MROH1: variants seen among roughly 807,000 people sequenced by gnomAD.
MROH1 encodes maestro heat-like repeat-containing protein family member 1.
Under a neutral mutation model 116.5 loss-of-function variants are expected in MROH1, and 117 were observed. The observed-to-expected ratio is 1.00, with a 90% CI of 0.86 to 1.17. MROH1 has a LOEUF of 1.17. MROH1 is among the 50% of genes most tolerant of loss of function. The probability of loss-of-function intolerance (pLI) is 0.00; values close to 1 mark genes in which losing one functional copy is unlikely to be tolerated. For missense variants in MROH1, 1,873 were observed against 1,338.5 expected (o/e 1.40, Z -6.23); for synonymous variants, 921 against 583.9 (o/e 1.58, Z -8.32).
Position 144,247,587 on chromosome 8 carries a change from G to A in MROH1, c.3028G>A (p.Asp1010Asn), listed in dbSNP as rs1842117116. 8 of 774,190 alleles carry A rather than the reference G, an allele frequency of 1.0e-5. No individual in the cohort carries two copies. Among genetic ancestry groups the A allele is most frequent in the Admixed American group, 6.8e-5 (4 of 58,872 alleles). 48.0% of individuals were successfully genotyped at this position (774,190 alleles called of 1,614,324 possible). A position where few individuals can be genotyped will look rare whatever the true frequency, so the allele number is the denominator to read the frequency against. Reference protein sequence around the residue: ...GYEGFSRDYRDDVAERLLSLK... With the variant: ...GYEGFSRDYRNDVAERLLSLK... ...CTCAGGCTTCTCCCGGGACTACCGC[G>A]ATGACGTGGCGGAGCGGCTCCTCAG... The change falls in exon 31 of 44, where the codon GAT becomes AAT. Residue 1010 changes from aspartate to asparagine, a missense_variant. Asp to Asn is a conservative substitution (Grantham distance 23). Transcript: ENST00000326134.
At chr8:144,255,118 G>A (rs1231148101) in intron 34 of MROH1, 140 bp downstream of exon 34, 2 of 606,588 alleles carry the variant, frequency 3.3e-6, no homozygotes, top group Non-Finnish European at 5.9e-6. Flanking sequence ...GGAGCTCTGA[G>A]CTCAGGCTCG....
At chr8:144,192,423 G>T in intron 10 of MROH1, 22 bp downstream of exon 10, 1 of 1,557,006 alleles carries the variant, frequency 6.4e-7, no homozygotes. Context: ...GCGTCAGGGG[G>T]CGGGTCCAGG....
At position 144,186,955 on chromosome 8, in the gene MROH1, G is replaced by A. The variant is rs145437506; in HGVS notation, c.563-3829G>A. ...TAAAATACAAAAAATTAAATTAGCC[G>A]GGTGTGGCAGTGTGTGCCTATAGTC... On this transcript the variant is annotated intron_variant, in intron 7 of 43. Coordinates refer to ENST00000326134, the MANE Select transcript of MROH1 (RefSeq NM_032450.3). Among the ~76,000 whole-genome samples the A allele has an allele frequency of 8.3e-3, 1,260 of 152,208 alleles. 33 individuals are homozygous for A. Among genetic ancestry groups the A allele is most frequent in the African/African-American group, 0.028 (1,181 of 41,524 alleles).
chr8:144,162,690 C>T (rs1464000750), intron 2 of MROH1, among the ~76,000 whole-genome samples: 1 of 151,672 alleles, frequency 6.6e-6, no homozygotes, highest in Non-Finnish European at 1.5e-5. Context: ...AGCCACTGCA[C>T]CCGGCCCATG....
At chr8:144,156,478 C>T (rs1359559183) in intron 1 of MROH1, among the ~76,000 whole-genome samples, 10 of 151,598 alleles carry the variant, frequency 6.6e-5, no homozygotes, top group Non-Finnish European at 1.0e-4. Context: ...AGGCCGAGGC[C>T]GGCGGATTGC....
In MROH1 at chr8:144,245,272, G is replaced by C. The variant is rs1472261572; in HGVS notation, c.2871+12G>C. On this transcript the variant is annotated intron_variant, in intron 29 of 43. Coordinates refer to ENST00000326134, the MANE Select transcript of MROH1 (RefSeq NM_032450.3). ...ACCTGCGTGTCAGCGTGAGTACCTG[G>C]GTCCCTGGCCCGGGTGCTGCTGCCT... 7.7e-6 allele frequency: 6 copies of C among 775,582 alleles called. No individual in the cohort carries two copies. The Admixed American group carries it at 8.5e-5, about 11-fold the overall frequency. 48.0% of individuals were successfully genotyped at this position (775,582 alleles called of 1,614,324 possible). A position where few individuals can be genotyped will look rare whatever the true frequency, so the allele number is the denominator to read the frequency against.
intron 1 of MROH1, among the ~76,000 whole-genome samples, chr8:144,159,944 A>AT (rs992018779): frequency 2.0e-5 from 3 of 151,690 alleles, no homozygotes; most frequent in African/African-American, 4.8e-5. Context: ...AATTTATTGT[A>AT]TTTTTTAGTA....
intron 12 of MROH1, among the ~76,000 whole-genome samples, chr8:144,201,405 T>C (rs1831118916): frequency 6.6e-6 from 1 of 152,130 alleles, no homozygotes; most frequent in Admixed American, 6.6e-5. Flanking sequence ...AACATACCAT[T>C]TTTCACAAGT....
rs1824997342 is a variant in MROH1 at position 144,179,533 on chromosome 8, G to A, written c.247G>A (p.Asp83Asn). 1 of 1,613,340 alleles carries A rather than the reference G, an allele frequency of 6.2e-7. No individual in the cohort carries two copies. Reference protein sequence around the residue: ...LSSRASELDKDTASTIILLAS... With the variant: ...LSSRASELDKNTASTIILLAS... ...CAGTCGCGCCAGTGAGCTGGACAAG[G>A]ACACAGCCAGCACCATCATCCTCCT... Residue 83 changes from aspartate (D) to asparagine (N), a missense_variant, in exon 5 of 44, where the codon GAC becomes AAC. Physicochemically the swap from Asp to Asn is conservative, Grantham distance 23. Transcript: ENST00000326134.
intron 4 of MROH1, among the ~76,000 whole-genome samples, chr8:144,174,224 C>T (rs923594240): frequency 5.9e-5 from 9 of 152,144 alleles, no homozygotes; most frequent in Admixed American, 3.9e-4. Context: ...GAGGAAAGCA[C>T]ACCAGACAGG....
chr8:144,203,374 G>C (rs1178767417), intron 12 of MROH1, among the ~76,000 whole-genome samples: 1 of 147,486 alleles, frequency 6.8e-6, no homozygotes, highest in Non-Finnish European at 1.5e-5. Context: ...GGGAGCGCTC[G>C]CTCTGTGTGG....
intron 13 of MROH1, among the ~76,000 whole-genome samples, chr8:144,222,636 G>A (rs1837014446): frequency 6.6e-6 from 1 of 152,126 alleles, no homozygotes; most frequent in African/African-American, 2.4e-5. Context: ...GCTGGCACAG[G>A]TGTGGAGGAA....
chr8:144,183,494 T>C (rs1826186139), intron 7 of MROH1, among the ~76,000 whole-genome samples: 1 of 151,388 alleles, frequency 6.6e-6, no homozygotes, highest in Non-Finnish European at 1.5e-5. Context: ...GGAATGCTGA[T>C]GAGTTGACCA....
At chr8:144,209,306 C>T (rs1407748758) in intron 12 of MROH1, among the ~76,000 whole-genome samples, 2 of 151,734 alleles carry the variant, frequency 1.3e-5, no homozygotes, top group Non-Finnish European at 2.9e-5. Context: ...AGGCCGGGCA[C>T]GGTGGCTCAA....
chr8:144,192,040 G>A (rs377661479), intron 9 of MROH1, among the ~76,000 whole-genome samples, 185 bp downstream of exon 9: 102 of 152,234 alleles, frequency 6.7e-4, no homozygotes, highest in African/African-American at 2.2e-3. Flanking sequence ...TTTTCCCATC[G>A]CTCTGCCCTG....
intron 12 of MROH1, among the ~76,000 whole-genome samples, chr8:144,206,038 G>A (rs1832733277): frequency 1.3e-5 from 2 of 152,174 alleles, no homozygotes; most frequent in South Asian, 4.1e-4. Flanking sequence ...TACACCTACT[G>A]TTAAGAAGTG....
At position 144,213,129 on chromosome 8, in the gene MROH1, C is replaced by A. The variant is rs371234349; in HGVS notation, c.1142-7471C>A. The A allele has an allele frequency of 3.9e-6, 3 of 769,262 alleles. No homozygotes were observed. The Admixed American group carries it at 5.1e-5, about 13-fold the overall frequency. The allele number at this position is 769,262 out of a possible 1,614,324, so 47.7% of individuals were successfully genotyped here. ...CCCGCGTCTGTTGCTTGAGTCACCA[C>A]GGCTGTTACATCCCGTGCTCTCCCT... On this transcript the variant is annotated intron_variant, in intron 12 of 43. Transcript: ENST00000326134.
chr8:144,211,596 C>T (rs12114725), intron 12 of MROH1, among the ~76,000 whole-genome samples: 9,129 of 151,896 alleles, frequency 0.06, 947 homozygotes, highest in African/African-American at 0.21. Flanking sequence ...CATGGTGATG[C>T]GGGCCTGTAA....
At chr8:144,152,355 G>A (rs1297524382) in intron 1 of MROH1, among the ~76,000 whole-genome samples, 2 of 151,420 alleles carry the variant, frequency 1.3e-5, no homozygotes, top group East Asian at 1.9e-4. Flanking sequence ...TATTATGATT[G>A]GTTTATCATA....
Sources: allele counts gnomAD v4.1 joint callset (sites outside exome capture counted in the v4.1 genomes callset), GRCh38; gene constraint gnomAD v4.1.1; transcripts MANE v1.5; gene names NCBI Gene and HGNC (gene_info 2026-07-23, HGNC 2026-07-21).